Variants in DCC observed in about 807,000 individuals in gnomAD.
DCC encodes the protein DCC netrin 1 receptor.
Under a neutral mutation model 172.5 loss-of-function variants are expected in DCC, and 58 were observed. That is an observed-to-expected ratio of 0.34 (90% CI 0.27 to 0.42). The LOEUF (loss-of-function observed/expected upper bound fraction) is 0.42, where lower values mean the gene tolerates loss of function less well. DCC is among the 10% of genes least tolerant of loss of function. The pLI is 1.00. For synonymous variants in DCC, 709 were observed against 644.5 expected (o/e 1.10, Z -1.52); for missense variants, 1,740 against 1,791.0 (o/e 0.97, Z 0.51).
intron 1 of DCC, among the ~76,000 whole-genome samples, chr18:52,480,677 T>G (rs1044032666): frequency 4.6e-5 from 7 of 152,198 alleles, no homozygotes; most frequent in Non-Finnish European, 1.0e-4. Context: ...TTATTAGAAA[T>G]GCAAGAAAGG....
chr18:52,573,404 G>T (rs1401750769), intron 1 of DCC, among the ~76,000 whole-genome samples: 1 of 152,138 alleles, frequency 6.6e-6, no homozygotes. Context: ...CAGTAAAAAG[G>T]ACCATTTAGA....
intron 1 of DCC, among the ~76,000 whole-genome samples, chr18:52,521,684 G>A (rs1311114962): frequency 3.3e-5 from 5 of 152,106 alleles, no homozygotes; most frequent in African/African-American, 1.2e-4. Flanking sequence ...AGGAATCTGG[G>A]TTACACTAGT....
At chr18:53,265,242 T>A (rs1357743701) in intron 12 of DCC, among the ~76,000 whole-genome samples, 1 of 152,190 alleles carries the variant, frequency 6.6e-6, no homozygotes, top group South Asian at 2.1e-4. Context: ...TGGTTCAGTA[T>A]TACAGCACTA....
chr18:53,517,839 T>G (rs1051304963), intron 27 of DCC, among the ~76,000 whole-genome samples: 1 of 152,128 alleles, frequency 6.6e-6, no homozygotes, highest in African/African-American at 2.4e-5. Context: ...CTAAAATGCC[T>G]TAAGATTGTT....
intron 1 of DCC, among the ~76,000 whole-genome samples, chr18:52,435,253 T>C (rs1987753092): frequency 6.6e-6 from 1 of 152,174 alleles, no homozygotes; most frequent in African/African-American, 2.4e-5. Flanking sequence ...TTGATTGCTT[T>C]TCTGCACCAA....
chr18:53,502,523 T>A (rs2046115060), intron 27 of DCC, among the ~76,000 whole-genome samples: 1 of 152,240 alleles, frequency 6.6e-6, no homozygotes, highest in Non-Finnish European at 1.5e-5. Flanking sequence ...GACTTAAAGA[T>A]GAAATACTTA....
At chr18:53,071,511 T>C (rs891876573) in intron 7 of DCC, among the ~76,000 whole-genome samples, 4 of 152,174 alleles carry the variant, frequency 2.6e-5, no homozygotes, top group African/African-American at 9.7e-5. Context: ...AATTATTTAT[T>C]TTCTGTCTCT....
chr18:53,240,247 T>C (rs1239206739), intron 12 of DCC, among the ~76,000 whole-genome samples: 1 of 152,062 alleles, frequency 6.6e-6, no homozygotes, highest in African/African-American at 2.4e-5. Context: ...TGCTCATATT[T>C]AAAAATAAAT....
intron 12 of DCC, among the ~76,000 whole-genome samples, chr18:53,251,291 TA>T (rs1365370552): frequency 6.6e-6 from 1 of 151,988 alleles, no homozygotes; most frequent in Non-Finnish European, 1.5e-5. Flanking sequence ...ACATTTTCCA[TA>T]ATCTTGTTTT....
At chr18:53,522,135 C>T (rs2046405407) in intron 27 of DCC, among the ~76,000 whole-genome samples, 1 of 152,006 alleles carries the variant, frequency 6.6e-6, no homozygotes, top group Non-Finnish European at 1.5e-5. Context: ...AACTTTATGC[C>T]TTCACTTAAA....
intron 21 of DCC, among the ~76,000 whole-genome samples, chr18:53,430,167 AATT>A (rs1911519598): frequency 6.6e-6 from 1 of 152,096 alleles, no homozygotes. Context: ...TCATCATTAG[AATT>A]ATTTTCAGAG....
At chr18:53,154,126 G>A (rs528124959) in intron 7 of DCC, among the ~76,000 whole-genome samples, 18 of 152,288 alleles carry the variant, frequency 1.2e-4, no homozygotes, top group Middle Eastern at 3.4e-3. Flanking sequence ...TGATGGAGAA[G>A]GAGTAGGTAG....
In DCC at chr18:53,407,578, A is replaced by AT. The variant is rs902688958; in HGVS notation, c.2936-2873dup. The stretch of plus-strand genomic sequence containing the variant: ...ATATTCACTATTACTCTCTCTCTAT[A>AT]TATATGTTCAGTAACTTTTACATAG... On this transcript the variant is annotated intron_variant, in intron 19 of 28. Coordinates refer to ENST00000442544, the MANE Select transcript of DCC (RefSeq NM_005215.4). Among the ~76,000 whole-genome samples, 7 of 135,718 alleles carry AT rather than the reference A, an allele frequency of 5.2e-5. 1 individual carries two copies. Among genetic ancestry groups the AT allele is most frequent in the African/African-American group, 1.8e-4 (7 of 38,394 alleles). 89.0% of individuals were successfully genotyped at this position (135,718 alleles called of 152,430 possible).
At chr18:53,177,121 T>C (rs544777720) in intron 8 of DCC, among the ~76,000 whole-genome samples, 1 of 151,178 alleles carries the variant, frequency 6.6e-6, no homozygotes, top group Non-Finnish European at 1.5e-5. Flanking sequence ...TAGGTGGGAA[T>C]TGAACAATGA....
intron 12 of DCC, among the ~76,000 whole-genome samples, chr18:53,267,104 T>A (rs569150637): frequency 2.1e-3 from 295 of 139,808 alleles, no homozygotes; most frequent in African/African-American, 7.2e-3. Flanking sequence ...ACACACACTC[T>A]CTCTCTCACA....
At position 53,487,753 on chromosome 18, in the gene DCC, A is replaced by T. The variant is rs575262912; in HGVS notation, c.3898+795A>T. On this transcript the variant is annotated intron_variant, in intron 26 of 28. Transcript: ENST00000442544. ...CTAGATACAGCAAGGTTAGAATTAA[A>T]AGGCATCAAAGATCTGCCAAGGGAG... 2.0e-5 allele frequency among the ~76,000 whole-genome samples: 3 copies of T among 152,312 alleles called. No individual in the cohort carries two copies. In the South Asian group the frequency reaches 6.2e-4, roughly 32 times the overall value.
At position 53,133,034 on chromosome 18, in the gene DCC, T is replaced by C. The variant is rs113987525; in HGVS notation, c.1262-24322T>C. On this transcript the variant is annotated intron_variant, in intron 7 of 28. Coordinates refer to ENST00000442544, the MANE Select transcript of DCC (RefSeq NM_005215.4). ...AAGTAAGAATCTTGTTAGAGTTTGT[T>C]TAGCCACAGGCCTACTATTAGGGAA... Among the ~76,000 whole-genome samples, 4 of 152,330 alleles carry C rather than the reference T, an allele frequency of 2.6e-5. 1 individual carries two copies. Among genetic ancestry groups the C allele is most frequent in the African/African-American group, 9.6e-5 (4 of 41,596 alleles).
intron 25 of DCC, among the ~76,000 whole-genome samples, chr18:53,479,384 G>A (rs538782381): frequency 6.6e-6 from 1 of 152,210 alleles, no homozygotes; most frequent in South Asian, 2.1e-4. Context: ...TGTTTTGTGC[G>A]ATGCCATGGC....
At chr18:53,181,216 T>G (rs558090343) in intron 9 of DCC, among the ~76,000 whole-genome samples, 1 of 152,168 alleles carries the variant, frequency 6.6e-6, no homozygotes, top group African/African-American at 2.4e-5. Flanking sequence ...ATCTCCTAGT[T>G]CTAAAATTAT....
Sources: gnomAD v4.1 joint callset for allele counts (sites outside exome capture counted in the v4.1 genomes callset) on GRCh38, gnomAD v4.1.1 for gene constraint, MANE v1.5 for transcripts, NCBI Gene and HGNC (gene_info 2026-07-23, HGNC 2026-07-21) for gene names.